Variants in NSD3 observed in about 807,000 individuals in gnomAD.
The protein encoded by NSD3 is histone-lysine N-methyltransferase NSD3.
A neutral mutation model predicts 160.8 loss-of-function variants in NSD3; 24 were observed. The ratio of observed to expected loss-of-function variants is 0.15; its 90% CI spans 0.11 to 0.21. The LOEUF (loss-of-function observed/expected upper bound fraction) is 0.21, where lower values mean the gene tolerates loss of function less well. NSD3 is among the 10% of genes least tolerant of loss of function. NSD3 has a pLI of 1.00. For missense variants in NSD3, 1,157 were observed against 1,735.9 expected (o/e 0.67, Z 5.93); for synonymous variants, 520 against 600.0 (o/e 0.87, Z 1.95).
intron 1 of NSD3, 54 bp from the exon 2 acceptor site, chr8:38,348,269 G>A: frequency 1.5e-6 from 2 of 1,360,548 alleles, no homozygotes; most frequent in South Asian, 1.5e-5. Context: ...TAGGCTAGAG[G>A]CTAATCAACT....
At chr8:38,290,423 A>C in intron 17 of NSD3, 52 bp downstream of exon 17, 2 of 1,586,202 alleles carry the variant, frequency 1.3e-6, no homozygotes, top group South Asian at 2.2e-5. Flanking sequence ...GATGTTGAGA[A>C]ACTGACACCG....
chr8:38,347,095 A>C (rs1056238798), intron 2 of NSD3, among the ~76,000 whole-genome samples: 1 of 152,200 alleles, frequency 6.6e-6, no homozygotes, highest in African/African-American at 2.4e-5. Context: ...ATTTTGTAGC[A>C]AACATTAGCA....
At position 38,275,468 on chromosome 8, in the gene NSD3, A is replaced by G. The variant is rs150734615; in HGVS notation, c.*173T>C. On this transcript the variant is annotated 3_prime_UTR_variant, in exon 24 of 24. Transcript: ENST00000317025. ...AAGAATCCCAAACCAACCAAATCAA[A>G]CAAAAACCAGACACCACCAACTGCT... 1.0e-4 allele frequency: 63 copies of G among 624,946 alleles called. No individual in the cohort carries two copies. The East Asian group carries it at 1.7e-3, about 17-fold the overall frequency. 38.7% of individuals were successfully genotyped at this position (624,946 alleles called of 1,614,324 possible). A position where few individuals can be genotyped will look rare whatever the true frequency, so the allele number is the denominator to read the frequency against.
intron 7 of NSD3, among the ~76,000 whole-genome samples, chr8:38,325,349 T>C (rs1407896040): frequency 1.3e-5 from 2 of 152,266 alleles, no homozygotes; most frequent in Non-Finnish European, 2.9e-5. Context: ...TTTTCTACTA[T>C]AGTCGCTTCT....
At chr8:38,276,016 C>T in intron 23 of NSD3, 134 bp from the exon 24 acceptor site, 1 of 887,816 alleles carries the variant, frequency 1.1e-6, no homozygotes, top group Middle Eastern at 3.5e-4. Context: ...CAAATTTCAA[C>T]CAAACATAGA....
chr8:38,330,309 T>C (rs930692721), intron 5 of NSD3, among the ~76,000 whole-genome samples: 1 of 151,978 alleles, frequency 6.6e-6, no homozygotes, highest in Non-Finnish European at 1.5e-5. Flanking sequence ...AAGTCAGGGG[T>C]GCTACAGAGA....
chr8:38,284,501 G>T (rs1342378437), intron 19 of NSD3, among the ~76,000 whole-genome samples: 1 of 152,188 alleles, frequency 6.6e-6, no homozygotes, highest in Admixed American at 6.5e-5. Context: ...CGATTCTCCT[G>T]CCTCAGCCTC....
At chr8:38,354,104 G>A (rs1490999483) in intron 1 of NSD3, among the ~76,000 whole-genome samples, 1 of 152,170 alleles carries the variant, frequency 6.6e-6, no homozygotes, top group Non-Finnish European at 1.5e-5. Context: ...CAGGCTCACA[G>A]GTGATTGATT....
At position 38,274,049 on chromosome 8, in the gene NSD3, G is replaced by C. The variant is rs1472866981; in HGVS notation, c.*1592C>G. On this transcript the variant is annotated 3_prime_UTR_variant, in exon 24 of 24. Transcript: ENST00000317025. ...TCAATACAGCTGAAGGAATGTGGTAGAGCATCTACCCTCCCTACCTTCATA... is the reference window on the plus strand; with the variant it reads ...TCAATACAGCTGAAGGAATGTGGTACAGCATCTACCCTCCCTACCTTCATA... 6.6e-6 allele frequency: 1 copy of C among 152,178 alleles called. No homozygotes were observed. Among genetic ancestry groups the C allele is most frequent in the African/African-American group, 2.4e-5 (1 of 41,440 alleles). 9.4% of individuals were successfully genotyped at this position (152,178 alleles called of 1,614,324 possible). A position where few individuals can be genotyped will look rare whatever the true frequency, so the allele number is the denominator to read the frequency against.
intron 1 of NSD3, among the ~76,000 whole-genome samples, chr8:38,360,341 G>C (rs1810931097): frequency 6.6e-6 from 1 of 152,064 alleles, no homozygotes; most frequent in African/African-American, 2.4e-5. Context: ...CAGATTCAAA[G>C]GCCATTATAT....
At chr8:38,337,539 G>C (rs1810251934) in intron 3 of NSD3, 72 bp from the exon 4 acceptor site, 1 of 1,282,392 alleles carries the variant, frequency 7.8e-7, no homozygotes, top group East Asian at 2.8e-5. Context: ...CATTAAAAAT[G>C]CTAACAATGT....
rs750421696 is a variant in NSD3, at chr8:38,348,097, G to A, written c.75C>T (p.Ser25=). 20 of 1,613,754 alleles carry A rather than the reference G, an allele frequency of 1.2e-5. No individual in the cohort carries two copies. Among genetic ancestry groups the A allele is most frequent in the Admixed American group, 1.7e-5 (1 of 59,958 alleles). ...AGGCATCCTCCTGACGGATGTTGGC[G>A]GAGTCAATGAGTTGAGGTGGTTGCT... ...TIQQPPQLID[S]ANIRQEDAFD... The change falls in exon 2 of 24, where the codon TCC becomes TCT. Residue 25 remains serine (S), a synonymous_variant. Coordinates refer to ENST00000317025, the MANE Select transcript of NSD3 (RefSeq NM_023034.2).
intron 16 of NSD3, among the ~76,000 whole-genome samples, chr8:38,293,512 T>C (rs906025078): frequency 1.3e-5 from 2 of 151,616 alleles, no homozygotes; most frequent in African/African-American, 2.4e-5. Flanking sequence ...ATCACACCAC[T>C]GCACTCCAGC....
At chr8:38,376,329 C>A (rs1350797552) in intron 1 of NSD3, among the ~76,000 whole-genome samples, 2 of 152,092 alleles carry the variant, frequency 1.3e-5, no homozygotes, top group African/African-American at 4.8e-5. Flanking sequence ...AATACAAGAT[C>A]TCTTGCCTCA....
chr8:38,360,867 T>C (rs563302888), intron 1 of NSD3, among the ~76,000 whole-genome samples: 2 of 152,306 alleles, frequency 1.3e-5, no homozygotes, highest in East Asian at 3.9e-4. Flanking sequence ...ACTAACAACA[T>C]GCATCCAAAA....
chr8:38,341,688 A>T (rs1456615562), intron 2 of NSD3, among the ~76,000 whole-genome samples: 4 of 152,176 alleles, frequency 2.6e-5, no homozygotes, highest in African/African-American at 4.8e-5. Context: ...ACAGTGGTTC[A>T]CACCTATAAT....
At chr8:38,294,524 T>C (rs538736101) in intron 16 of NSD3, among the ~76,000 whole-genome samples, 1 of 152,220 alleles carries the variant, frequency 6.6e-6, no homozygotes, top group Non-Finnish European at 1.5e-5. Flanking sequence ...AGCCTCTTAA[T>C]GGAATAATCT....
chr8:38,375,872 C>G (rs912599768), intron 1 of NSD3, among the ~76,000 whole-genome samples: 7 of 151,722 alleles, frequency 4.6e-5, no homozygotes, highest in African/African-American at 1.7e-4. Context: ...GGACAGATGC[C>G]AAGTTCTAAG....
At chr8:38,343,389 T>G (rs926797031) in intron 2 of NSD3, among the ~76,000 whole-genome samples, 1 of 152,064 alleles carries the variant, frequency 6.6e-6, no homozygotes, top group Non-Finnish European at 1.5e-5. Context: ...CTGAATGACT[T>G]AAGTTTGTAA....
Sources: allele counts gnomAD v4.1 joint callset (sites outside exome capture counted in the v4.1 genomes callset), GRCh38; gene constraint gnomAD v4.1.1; transcripts MANE v1.5; gene names NCBI Gene and HGNC (gene_info 2026-07-23, HGNC 2026-07-21).